Variants in ZBTB7C observed in about 807,000 individuals in gnomAD.
ZBTB7C encodes zinc finger and BTB domain-containing protein 7C.
A neutral mutation model predicts 25.7 loss-of-function variants in ZBTB7C; 8 were observed. The observed-to-expected ratio is 0.31, with a 90% CI of 0.18 to 0.56. The LOEUF is 0.56. Ranked by LOEUF, ZBTB7C falls within the 20% of genes least tolerant of loss-of-function variation. The pLI is 0.91. For missense variants in ZBTB7C, 824 were observed against 855.2 expected, an observed-to-expected ratio of 0.96 and a Z score of 0.46; for synonymous variants, 394 against 369.0, an observed-to-expected ratio of 1.07 and a Z score of -0.78.
chr18:48,085,979 CCT>C (rs1331622731), intron 3 of ZBTB7C, among the ~76,000 whole-genome samples: 5 of 152,322 alleles, frequency 3.3e-5, no homozygotes, highest in Admixed American at 3.3e-4. Flanking sequence ...AGCCACCTCT[CCT>C]CTCTCCCTGA....
Position 48,028,995 on chromosome 18 carries a change from G to A in ZBTB7C, c.*265C>T, listed in dbSNP as rs1421566300. 4.2e-6 allele frequency: 2 copies of A among 479,754 alleles called. No homozygotes were observed. The highest frequency in any genetic ancestry group is 7.1e-6 in the Non-Finnish European group (2 of 279,938). The allele number at this position is 479,754 out of a possible 1,614,324, so 29.7% of individuals were successfully genotyped here. On this transcript the variant is annotated 3_prime_UTR_variant, in exon 5 of 5. Transcript: ENST00000590800. ...CCAGTTCTTTGTGGCATGGGCCGGT[G>A]CAAGTTTCTATATGAGAGCCAGAGA...
intron 3 of ZBTB7C, among the ~76,000 whole-genome samples, chr18:48,057,522 A>ATG (rs2036965150): frequency 1.3e-5 from 2 of 152,350 alleles, no homozygotes; most frequent in South Asian, 4.1e-4. Context: ...TTGTAGATGC[A>ATG]TGAATTAAAC....
intron 1 of ZBTB7C, among the ~76,000 whole-genome samples, chr18:48,399,098 G>C (rs181102051): frequency 3.9e-4 from 59 of 152,338 alleles, no homozygotes; most frequent in Admixed American, 3.9e-3. Context: ...TCTCCAAGAC[G>C]TTAAGTGCAA....
chr18:48,030,798 G>A (rs1188246517), intron 4 of ZBTB7C, among the ~76,000 whole-genome samples: 1 of 152,220 alleles, frequency 6.6e-6, no homozygotes, highest in African/African-American at 2.4e-5. Flanking sequence ...AAGAACCTGG[G>A]TCTGTGTGAG....
intron 3 of ZBTB7C, among the ~76,000 whole-genome samples, chr18:48,055,104 C>A (rs1394015628): frequency 6.6e-6 from 1 of 151,962 alleles, no homozygotes; most frequent in African/African-American, 2.4e-5. Context: ...AAGTAGGAAC[C>A]AATAAAGAAC....
At chr18:48,137,121 G>A in intron 3 of ZBTB7C, 1 of 985,508 alleles carries the variant, frequency 1.0e-6, no homozygotes, top group Non-Finnish European at 1.2e-6. Context: ...CGCAGCCGGC[G>A]GGAGGTTGTC....
chr18:48,401,492 A>G (rs1459324939), intron 1 of ZBTB7C, among the ~76,000 whole-genome samples: 1 of 152,194 alleles, frequency 6.6e-6, no homozygotes, highest in Admixed American at 6.5e-5. Context: ...CAGGAAAGCC[A>G]CCAAGTTACA....
Position 48,313,484 on chromosome 18 carries a change from T to C in ZBTB7C, c.-79+24690A>G, listed in dbSNP as rs565177296. On this transcript the variant is annotated intron_variant, in intron 2 of 4. Coordinates refer to ENST00000590800, the MANE Select transcript of ZBTB7C (RefSeq NM_001318841.2). ...CCCCTCCCCTGCTCCCCAACAGTCC[T>C]GAGGTTCAGCCTGCAATCACTGCTC... is the stretch of plus-strand genomic sequence containing the variant. 3.9e-5 allele frequency among the ~76,000 whole-genome samples: 6 copies of C among 152,310 alleles called. No homozygotes were observed. The South Asian group carries it at 1.2e-3, about 32-fold the overall frequency.
intron 3 of ZBTB7C, among the ~76,000 whole-genome samples, chr18:48,080,865 TCTGCCC>T (rs2037955708): frequency 6.6e-6 from 1 of 152,208 alleles, no homozygotes; most frequent in African/African-American, 2.4e-5. Flanking sequence ...TCTTTCTCCC[TCTGCCC>T]CTGCCACTGT....
At chr18:48,096,122 C>G (rs2038623829) in intron 3 of ZBTB7C, among the ~76,000 whole-genome samples, 1 of 152,086 alleles carries the variant, frequency 6.6e-6, no homozygotes, top group Admixed American at 6.5e-5. Context: ...TAGAAGTTTC[C>G]TTTAGTTCAG....
At chr18:48,052,659 G>A (rs907210402) in intron 3 of ZBTB7C, among the ~76,000 whole-genome samples, 10 of 152,198 alleles carry the variant, frequency 6.6e-5, no homozygotes, top group Non-Finnish European at 1.5e-4. Flanking sequence ...GTACCCAGGT[G>A]TGCAGTCAGC....
chr18:48,193,234 G>C (rs1168625195), intron 2 of ZBTB7C, among the ~76,000 whole-genome samples: 1 of 152,134 alleles, frequency 6.6e-6, no homozygotes, highest in Admixed American at 6.5e-5. Context: ...CCGGCTATTA[G>C]GCAATGATTC....
intron 2 of ZBTB7C, among the ~76,000 whole-genome samples, chr18:48,302,513 T>C (rs1263337069): frequency 6.6e-6 from 1 of 152,246 alleles, no homozygotes; most frequent in Non-Finnish European, 1.5e-5. Flanking sequence ...AGTTCTTAAA[T>C]GAAAGCAGTT....
At chr18:48,182,916 G>T (rs1052153089) in intron 3 of ZBTB7C, among the ~76,000 whole-genome samples, 1 of 152,004 alleles carries the variant, frequency 6.6e-6, no homozygotes, top group African/African-American at 2.4e-5. Context: ...CTGTCATGCG[G>T]TATCTCAAAT....
intron 3 of ZBTB7C, among the ~76,000 whole-genome samples, chr18:48,147,329 C>T (rs773553611): frequency 8.5e-5 from 13 of 152,148 alleles, no homozygotes; most frequent in East Asian, 1.9e-4. Context: ...CTGCCTGCCT[C>T]GGCCTTTCGG....
intron 2 of ZBTB7C, among the ~76,000 whole-genome samples, chr18:48,261,135 T>C (rs1268948997): frequency 2.6e-5 from 4 of 152,230 alleles, no homozygotes; most frequent in Admixed American, 1.3e-4. Flanking sequence ...ATGTTTTAAT[T>C]CATCGGATAA....
At chr18:48,060,347 C>T (rs922090645) in intron 3 of ZBTB7C, among the ~76,000 whole-genome samples, 8 of 152,080 alleles carry the variant, frequency 5.3e-5, no homozygotes, top group Non-Finnish European at 7.4e-5. Flanking sequence ...CCTTCACTTC[C>T]GCCAACCGAG....
intron 1 of ZBTB7C, among the ~76,000 whole-genome samples, chr18:48,352,587 G>C (rs747917664): frequency 1.3e-5 from 2 of 152,070 alleles, no homozygotes; most frequent in Non-Finnish European, 2.9e-5. Context: ...TAGGGCCCAG[G>C]ATGCTGACCA....
intron 1 of ZBTB7C, among the ~76,000 whole-genome samples, chr18:48,380,320 T>C (rs1203664956): frequency 1.3e-5 from 2 of 152,124 alleles, no homozygotes; most frequent in Admixed American, 6.5e-5. Flanking sequence ...CATGCGTATA[T>C]GGGAATTGAA....
Sources: gnomAD v4.1 joint callset for allele counts (sites outside exome capture counted in the v4.1 genomes callset) on GRCh38, gnomAD v4.1.1 for gene constraint, MANE v1.5 for transcripts, NCBI Gene and HGNC (gene_info 2026-07-23, HGNC 2026-07-21) for gene names.